POLA1: variants seen among roughly 807,000 people sequenced by gnomAD.
POLA1 encodes the protein DNA polymerase alpha catalytic subunit.
A neutral mutation model predicts 124.0 loss-of-function variants in POLA1; 15 were observed. The observed-to-expected ratio is 0.12, with a 90% CI of 0.08 to 0.19. The LOEUF (loss-of-function observed/expected upper bound fraction) is 0.19, where lower values mean the gene tolerates loss of function less well. POLA1 is among the 10% of genes least tolerant of loss of function. POLA1 has a pLI of 1.00. For synonymous variants in POLA1, 408 were observed against 389.4 expected, an observed-to-expected ratio of 1.05 and a Z score of -0.56; for missense variants, 886 against 1,103.4, an observed-to-expected ratio of 0.80 and a Z score of 2.79.
At chrX:24,734,018 A>C in intron 17 of POLA1, 1 of 303,470 alleles carries the variant, frequency 3.3e-6, no homozygotes, top group Non-Finnish European at 6.0e-6. Context: ...TACTACCTGA[A>C]AATAATGGGA....
chrX:24,718,778 C>G (rs1000235655), intron 10 of POLA1, among the ~76,000 whole-genome samples: 3 of 111,799 alleles, frequency 2.7e-5, no homozygotes, highest in African/African-American at 9.8e-5. Context: ...GGAGATCAGT[C>G]AATCCAGGGC....
chrX:24,902,952 A>G (rs193048690), intron 35 of POLA1, among the ~76,000 whole-genome samples: 78 of 112,469 alleles, frequency 6.9e-4, no homozygotes, highest in East Asian at 1.4e-3. Flanking sequence ...AAGTGGACTC[A>G]GAAGGATTGC....
intron 34 of POLA1, among the ~76,000 whole-genome samples, chrX:24,862,866 G>A (rs1163578600): frequency 8.9e-6 from 1 of 112,114 alleles, no homozygotes; most frequent in Non-Finnish European, 1.9e-5. Flanking sequence ...ATATACAAAT[G>A]TGCAAAATAT....
chrX:24,761,755 C>T (rs926539929), intron 26 of POLA1, among the ~76,000 whole-genome samples: 1 of 112,077 alleles, frequency 8.9e-6, no homozygotes, highest in African/African-American at 3.2e-5. Context: ...AATTCAATTA[C>T]TGGTTCTTGC....
intron 34 of POLA1, among the ~76,000 whole-genome samples, chrX:24,850,803 G>A (rs2046549094): frequency 8.9e-6 from 1 of 111,976 alleles, no homozygotes; most frequent in African/African-American, 3.2e-5. Flanking sequence ...TGCACTTAAG[G>A]TGCTGAGAAA....
At chrX:24,801,924 G>GGTGGGTGTGTGTGTGTGT (rs1555994716) in intron 26 of POLA1, among the ~76,000 whole-genome samples, 13 of 74,542 alleles carry the variant, frequency 1.7e-4, no homozygotes, top group South Asian at 9.0e-4. Flanking sequence ...GAGGTGGGTG[G>GGTGGGTGTGTGTGTGTGT]GTGTGTGTGT....
chrX:24,843,200 A>G (rs2046431396), intron 33 of POLA1, among the ~76,000 whole-genome samples: 2 of 112,206 alleles, frequency 1.8e-5, no homozygotes, highest in African/African-American at 6.5e-5. Flanking sequence ...AAAGTTTTTA[A>G]TCAGTATCTC....
At chrX:24,949,313 T>C (rs952221602) in intron 36 of POLA1, among the ~76,000 whole-genome samples, 4 of 111,657 alleles carry the variant, frequency 3.6e-5, no homozygotes, top group Non-Finnish European at 3.8e-5. Flanking sequence ...ATTTCTGGCA[T>C]TTTTAAATAA....
At chrX:24,914,162 G>A (rs928526638) in intron 35 of POLA1, among the ~76,000 whole-genome samples, 2 of 111,160 alleles carry the variant, frequency 1.8e-5, no homozygotes, top group African/African-American at 6.5e-5. Flanking sequence ...GGGCAACATA[G>A]TGAGACCCTG....
chrX:24,780,671 G>A (rs550130967), intron 26 of POLA1, among the ~76,000 whole-genome samples: 1 of 111,913 alleles, frequency 8.9e-6, no homozygotes, highest in East Asian at 2.8e-4. Context: ...ACCCCACTTG[G>A]TCATGTCTAT....
chrX:24,937,432 A>G (rs999669430), intron 36 of POLA1, among the ~76,000 whole-genome samples: 28 of 111,794 alleles, frequency 2.5e-4, no homozygotes, highest in Non-Finnish European at 4.7e-4. Context: ...TTTCTACATT[A>G]TGTACTCTGA....
At chrX:24,885,129 T>A (rs1410494722) in intron 34 of POLA1, among the ~76,000 whole-genome samples, 1 of 112,453 alleles carries the variant, frequency 8.9e-6, no homozygotes, top group African/African-American at 3.2e-5. Context: ...AATTTTAATA[T>A]CCAGGTTATA....
chrX:24,799,075 A>G (rs1238038136), intron 26 of POLA1, among the ~76,000 whole-genome samples: 1 of 112,202 alleles, frequency 8.9e-6, no homozygotes, highest in African/African-American at 3.2e-5. Context: ...TTTAGTATTT[A>G]GCTCTGGTAC....
In POLA1 at chrX:24,919,796, GTTTTTTTTTTTGT is replaced by G. The variant is rs1401962153; in HGVS notation, c.4165-10646_4165-10634del. Among the ~76,000 whole-genome samples the G allele has an allele frequency of 7.6e-5, 3 of 39,491 alleles. No individual in the cohort carries two copies. The East Asian group carries it at 2.7e-3, about 36-fold the overall frequency. The allele number at this position is 39,491 out of a possible 115,157, so 34.3% of individuals were successfully genotyped here. On this transcript the variant is annotated intron_variant, in intron 35 of 36. Coordinates refer to ENST00000379068, the MANE Select transcript of POLA1 (RefSeq NM_001330360.2). ...ATTTTCCTAATGCTCTCCCTCCCCA[GTTTTTTTTTTTGT>G]TTTTTTTTTTGTTTTTTTTTTTGTT... is the stretch of plus-strand genomic sequence containing the variant.
At chrX:24,789,482 T>A (rs1205656025) in intron 26 of POLA1, among the ~76,000 whole-genome samples, 2 of 110,374 alleles carry the variant, frequency 1.8e-5, no homozygotes, top group Non-Finnish European at 3.8e-5. Context: ...TTATAAACTA[T>A]AAAACATTGA....
chrX:24,758,826 C>G (rs1182235954), intron 26 of POLA1, among the ~76,000 whole-genome samples: 1 of 111,581 alleles, frequency 9.0e-6, no homozygotes, highest in Non-Finnish European at 1.9e-5. Flanking sequence ...ACTACAGGCA[C>G]CCGCCACCGT....
intron 28 of POLA1, among the ~76,000 whole-genome samples, 172 bp downstream of exon 28, chrX:24,810,972 CAG>C (rs2045888959): frequency 9.0e-6 from 1 of 111,288 alleles, no homozygotes; most frequent in Non-Finnish European, 1.9e-5. Flanking sequence ...TTTTCTGAGA[CAG>C]GGTCTCACTC....
chrX:24,930,646 T>C, intron 36 of POLA1, 97 bp downstream of exon 36: 1 of 574,595 alleles, frequency 1.7e-6, no homozygotes, highest in East Asian at 3.6e-5. Flanking sequence ...CAGCATCACA[T>C]TGCTGTCTCA....
At chrX:24,734,790 A>G (rs770298044) in intron 17 of POLA1, among the ~76,000 whole-genome samples, 11 of 110,662 alleles carry the variant, frequency 9.9e-5, no homozygotes, top group Non-Finnish European at 1.9e-4. Context: ...TAATTTTTGT[A>G]TTTTTAGTAG....
Sources: allele counts gnomAD v4.1 joint callset (sites outside exome capture counted in the v4.1 genomes callset), GRCh38; gene constraint gnomAD v4.1.1; transcripts MANE v1.5; gene names NCBI Gene and HGNC (gene_info 2026-07-23, HGNC 2026-07-21).